PKNOX1: variants seen among roughly 807,000 people sequenced by gnomAD.
PKNOX1 encodes the protein PBX/knotted 1 homeobox 1.
In PKNOX1, 15 loss-of-function variants were observed where a neutral mutation model predicts 51.9. The ratio of observed to expected loss-of-function variants is 0.29; its 90% CI spans 0.19 to 0.45. The LOEUF (loss-of-function observed/expected upper bound fraction) is 0.45. PKNOX1 is among the 20% of genes least tolerant of loss of function. The pLI is 1.00. For synonymous variants in PKNOX1, 219 were observed against 211.1 expected, an observed-to-expected ratio of 1.04 and a Z score of -0.32; for missense variants, 462 against 547.5, an observed-to-expected ratio of 0.84 and a Z score of 1.56.
intron 1 of PKNOX1, among the ~76,000 whole-genome samples, chr21:42,994,945 A>G (rs1893600): frequency 0.9 from 124,735 of 138,856 alleles, 56,102 homozygotes; most frequent in African/African-American, 0.91. Context: ...TTTTTAAGAC[A>G]GAGTCTTGCT....
chr21:42,979,584 T>C (rs183401562), intron 1 of PKNOX1, among the ~76,000 whole-genome samples: 3 of 152,162 alleles, frequency 2.0e-5, no homozygotes, highest in Non-Finnish European at 4.4e-5. Context: ...CTACTAAATA[T>C]ACAAAGAATT....
At position 43,033,216 on chromosome 21, in the gene PKNOX1, G is replaced by A. The variant is rs986231207; in HGVS notation, c.*3115G>A. 7.9e-5 allele frequency: 12 copies of A among 152,256 alleles called. No individual in the cohort carries two copies. The highest frequency in any genetic ancestry group is 2.4e-4 in the African/African-American group (10 of 41,520). 9.4% of individuals were successfully genotyped at this position (152,256 alleles called of 1,614,324 possible). A position where few individuals can be genotyped will look rare whatever the true frequency, so the allele number is the denominator to read the frequency against. ...GCGCTTTGATTCCAGATAGTAAGAT[G>A]AGTGGAAGTGTTTATCGAGCATGCA... On this transcript the variant is annotated 3_prime_UTR_variant, in exon 11 of 11. Coordinates refer to ENST00000291547, the MANE Select transcript of PKNOX1 (RefSeq NM_004571.5).
At position 43,030,460 on chromosome 21, in the gene PKNOX1, C is replaced by T. The variant is rs1184308005; in HGVS notation, c.*359C>T. ...CGGTTGTCACTTAGTTCTGTGGTTCCAGCAGATCTCAGTGGGCTGGTTGAT... is the reference window on the plus strand; with the variant it reads ...CGGTTGTCACTTAGTTCTGTGGTTCTAGCAGATCTCAGTGGGCTGGTTGAT... On this transcript the variant is annotated 3_prime_UTR_variant, in exon 11 of 11. Transcript: ENST00000291547. 6.1e-6 allele frequency: 1 copy of T among 163,630 alleles called. No individual in the cohort carries two copies. Among genetic ancestry groups the T allele is most frequent in the Non-Finnish European group, 1.3e-5 (1 of 74,984 alleles). 10.1% of individuals were successfully genotyped at this position (163,630 alleles called of 1,614,324 possible). A position where few individuals can be genotyped will look rare whatever the true frequency, so the allele number is the denominator to read the frequency against.
At chr21:43,006,896 C>T (rs1390074617) in intron 2 of PKNOX1, among the ~76,000 whole-genome samples, 1 of 152,086 alleles carries the variant, frequency 6.6e-6, no homozygotes, top group Non-Finnish European at 1.5e-5. Flanking sequence ...TTTTTTTTAA[C>T]GATTTAAATG....
intron 1 of PKNOX1, among the ~76,000 whole-genome samples, chr21:42,979,471 A>G (rs1470888751): frequency 1.3e-5 from 2 of 152,242 alleles, no homozygotes; most frequent in Non-Finnish European, 1.5e-5. Context: ...AGCCAGGCGC[A>G]GTGGCTGACG....
chr21:43,030,185 A>G lies in PKNOX1; in HGVS notation c.*84A>G. The G allele has an allele frequency of 9.3e-7, 1 of 1,074,866 alleles. No individual in the cohort carries two copies. The highest frequency in any genetic ancestry group is 1.3e-6 in the Non-Finnish European group (1 of 758,524). 66.6% of individuals were successfully genotyped at this position (1,074,866 alleles called of 1,614,324 possible). A position where few individuals can be genotyped will look rare whatever the true frequency, so the allele number is the denominator to read the frequency against. On this transcript the variant is annotated 3_prime_UTR_variant, in exon 11 of 11. Coordinates refer to ENST00000291547, the MANE Select transcript of PKNOX1 (RefSeq NM_004571.5). ...TTTATTTCTAATATGTTTTATATGT[A>G]GATATAGAAGAGTGCACTTTTGTAT...
chr21:42,995,813 C>T (rs368942318), intron 1 of PKNOX1, among the ~76,000 whole-genome samples: 5 of 152,112 alleles, frequency 3.3e-5, no homozygotes, highest in Admixed American at 3.3e-4. Context: ...TGGTGGTTGC[C>T]GAATGGTGAT....
At chr21:42,998,235 C>CT (rs1179549482) in intron 1 of PKNOX1, among the ~76,000 whole-genome samples, 1 of 152,188 alleles carries the variant, frequency 6.6e-6, no homozygotes, top group Non-Finnish European at 1.5e-5. Flanking sequence ...GGGAGCTCCT[C>CT]TTTTTAAAAC....
chr21:42,988,289 T>G (rs2059066627), intron 1 of PKNOX1, among the ~76,000 whole-genome samples: 1 of 151,960 alleles, frequency 6.6e-6, no homozygotes, highest in Non-Finnish European at 1.5e-5. Context: ...GACCTCATGA[T>G]CCGCCCACCT....
At chr21:42,980,486 T>G (rs900999901) in intron 1 of PKNOX1, among the ~76,000 whole-genome samples, 2 of 152,186 alleles carry the variant, frequency 1.3e-5, no homozygotes, top group Non-Finnish European at 2.9e-5. Flanking sequence ...GTTAAAAGTG[T>G]CTGAAACTGT....
chr21:42,975,203 G>C (rs1386434934), intron 1 of PKNOX1, among the ~76,000 whole-genome samples: 1 of 147,626 alleles, frequency 6.8e-6, no homozygotes, highest in African/African-American at 2.5e-5. Flanking sequence ...CTCGGAGGGT[G>C]CGGGGCGCGC....
chr21:42,997,827 CAG>C (rs1029407339), intron 1 of PKNOX1, among the ~76,000 whole-genome samples: 38 of 152,160 alleles, frequency 2.5e-4, no homozygotes, highest in East Asian at 3.9e-4. Context: ...GGGGAGGACT[CAG>C]GGGTGGGAGA....
At chr21:42,986,002 GAA>G (rs376565583) in intron 1 of PKNOX1, among the ~76,000 whole-genome samples, 4 of 110,544 alleles carry the variant, frequency 3.6e-5, no homozygotes, top group African/African-American at 1.4e-4. Context: ...CTCTGTCTCA[GAA>G]AAAAAAAAAA....
At chr21:42,981,237 C>CT (rs1448563215) in intron 1 of PKNOX1, among the ~76,000 whole-genome samples, 7 of 152,234 alleles carry the variant, frequency 4.6e-5, no homozygotes, top group Non-Finnish European at 7.3e-5. Context: ...CACTCAAGGG[C>CT]TGAGAGGCAT....
At chr21:43,029,824 T>C in intron 10 of PKNOX1, 66 bp from the exon 11 acceptor site, 1 of 1,341,038 alleles carries the variant, frequency 7.5e-7, no homozygotes, top group Non-Finnish European at 1.1e-6. Context: ...CAGCACCCAA[T>C]TGAGTAATAA....
At chr21:43,009,559 C>T (rs1244159977) in intron 3 of PKNOX1, among the ~76,000 whole-genome samples, 3 of 131,458 alleles carry the variant, frequency 2.3e-5, no homozygotes, top group Admixed American at 9.4e-5. Context: ...TGCAGTGACC[C>T]GAGATCGTGC....
At chr21:43,018,111 T>G in intron 6 of PKNOX1, 22 bp from the exon 7 acceptor site, 3 of 1,201,634 alleles carry the variant, frequency 2.5e-6, no homozygotes, top group Non-Finnish European at 3.7e-6. Flanking sequence ...AGCAGCCTCA[T>G]ATTTTTATTC....
intron 1 of PKNOX1, among the ~76,000 whole-genome samples, chr21:42,992,946 CATT>C (rs1475993188): frequency 7.0e-6 from 1 of 142,764 alleles, no homozygotes; most frequent in Non-Finnish European, 1.5e-5. Flanking sequence ...TCCTTTATGT[CATT>C]AGGGGGCTTT....
intron 1 of PKNOX1, among the ~76,000 whole-genome samples, chr21:42,979,962 G>A (rs562911877): frequency 1.1e-4 from 17 of 152,300 alleles, no homozygotes; most frequent in East Asian, 5.8e-4. Context: ...AACCTTCTGC[G>A]CTTATGATCT....
Sources: allele counts gnomAD v4.1 joint callset (sites outside exome capture counted in the v4.1 genomes callset), GRCh38; gene constraint gnomAD v4.1.1; transcripts MANE v1.5; gene names NCBI Gene and HGNC (gene_info 2026-07-23, HGNC 2026-07-21).